Variants in SCIMP observed in about 807,000 individuals in gnomAD.
SCIMP encodes the protein SLP adapter and CSK-interacting membrane protein.
SCIMP carries 18 observed loss-of-function variants against 22.0 expected under a neutral mutation model. The ratio of observed to expected loss-of-function variants is 0.82; its 90% CI spans 0.56 to 1.21. The LOEUF (loss-of-function observed/expected upper bound fraction) is 1.21, where lower values mean the gene tolerates loss of function less well. Among genes scored for constraint, SCIMP ranks in the 50% most tolerant of loss-of-function variants. The pLI is 0.00. For synonymous variants in SCIMP, 53 were observed against 62.2 expected (o/e 0.85, Z 0.70); for missense variants, 155 against 171.2 (o/e 0.91, Z 0.53).
chr17:5,225,563 C>G (rs77258336), intron 1 of SCIMP, among the ~76,000 whole-genome samples: 8,722 of 152,094 alleles, frequency 0.057, 603 homozygotes, highest in East Asian at 0.31. Flanking sequence ...GAGTTCGAAA[C>G]CAGCTTGGCC....
intron 3 of SCIMP, among the ~76,000 whole-genome samples, chr17:5,216,029 A>C (rs903453452): frequency 2.0e-5 from 3 of 151,982 alleles, no homozygotes; most frequent in African/African-American, 7.3e-5. Context: ...AGGGAGACCC[A>C]GTCTCTACAA....
intron 1 of SCIMP, among the ~76,000 whole-genome samples, chr17:5,231,941 A>G (rs1418864186): frequency 6.6e-6 from 1 of 152,192 alleles, no homozygotes; most frequent in Non-Finnish European, 1.5e-5. Context: ...CTGTAGTCCC[A>G]GCTACTCGGG....
At chr17:5,223,501 T>C (rs758327810) in intron 1 of SCIMP, 45 bp from the exon 2 acceptor site, 35 of 1,604,844 alleles carry the variant, frequency 2.2e-5, no homozygotes, top group Middle Eastern at 1.7e-4. Context: ...ATGAAAGATA[T>C]CCTGGGGTTG....
Position 5,221,326 on chromosome 17 carries a change from G to A in SCIMP, c.170C>T (p.Pro57Leu), listed in dbSNP as rs2074606028. 6.2e-7 allele frequency: 1 copy of A among 1,613,560 alleles called. No homozygotes were observed. ...RRGKKWEIAK[P>L]LKHKQVDEEK... Reference sequence around the variant, plus strand: ...TTCATCTACTTGCTTGTGTTTCAGGGGCTTGGCAATTTCCCATTTCTTGCC... The same window carrying A: ...TTCATCTACTTGCTTGTGTTTCAGGAGCTTGGCAATTTCCCATTTCTTGCC... Residue 57 changes from proline to leucine, a missense_variant, in exon 3 of 5, where the codon CCC becomes CTC. Physicochemically the swap from Pro to Leu is moderately conservative, Grantham distance 98 (BLOSUM62 -3). Transcript: ENST00000574081.
chr17:5,210,886 G>A lies in SCIMP; in HGVS notation c.353C>T (p.Thr118Ile), dbSNP rs1555612574. Reference sequence around the variant, plus strand: ...CTCAATGTAGCTTGGGATGGAAACAGTCTTCTTATTTTTAACTTTATTTAC... The same window carrying A: ...CTCAATGTAGCTTGGGATGGAAACAATCTTCTTATTTTTAACTTTATTTAC... Reference protein sequence around the residue: ...SLVNKVKNKKTVSIPSYIEPE... With the variant: ...SLVNKVKNKKIVSIPSYIEPE... The change falls in exon 5 of 5, where the codon ACT becomes ATT. Residue 118 changes from threonine (T) to isoleucine (I), a missense_variant. Thr to Ile is a moderately conservative substitution (Grantham distance 89). Transcript: ENST00000574081. 23 of 1,614,020 alleles carry A rather than the reference G, an allele frequency of 1.4e-5. No homozygotes were observed. Among genetic ancestry groups the A allele is most frequent in the Non-Finnish European group, 1.9e-5 (23 of 1,180,028 alleles).
intron 1 of SCIMP, among the ~76,000 whole-genome samples, chr17:5,232,136 A>C (rs189955052): frequency 6.9e-4 from 105 of 152,094 alleles, no homozygotes; most frequent in African/African-American, 2.4e-3. Flanking sequence ...TGGTATCAAG[A>C]GGAGGAGCTG....
chr17:5,231,991 G>A (rs1441917923), intron 1 of SCIMP, among the ~76,000 whole-genome samples: 3 of 152,144 alleles, frequency 2.0e-5, no homozygotes, highest in Non-Finnish European at 2.9e-5. Context: ...GGGAGGCGGA[G>A]CTTGCAGTGA....
Position 5,226,504 on chromosome 17 carries a change from C to CTTTTTT in SCIMP, c.22-3049_22-3048insAAAAAA, listed in dbSNP as rs1567842763. On this transcript the variant is annotated intron_variant, in intron 1 of 4. Transcript: ENST00000574081. ...GCACTTTTTCTTTTCTTTTTTCTTT[C>CTTTTTT]TTTCTTTTTTTTTTTTTTGAGATGA... 1.7e-5 allele frequency among the ~76,000 whole-genome samples: 2 copies of CTTTTTT among 116,880 alleles called. 1 individual carries two copies. Among genetic ancestry groups the CTTTTTT allele is most frequent in the Non-Finnish European group, 3.9e-5 (2 of 50,984 alleles). 76.7% of individuals were successfully genotyped at this position (116,880 alleles called of 152,430 possible).
At chr17:5,224,295 C>T (rs1437290979) in intron 1 of SCIMP, among the ~76,000 whole-genome samples, 2 of 151,340 alleles carry the variant, frequency 1.3e-5, no homozygotes, top group South Asian at 2.1e-4. Flanking sequence ...CGACCACGCC[C>T]GGCTGATTTT....
At chr17:5,232,043 G>A (rs568514554) in intron 1 of SCIMP, among the ~76,000 whole-genome samples, 25 of 147,448 alleles carry the variant, frequency 1.7e-4, no homozygotes, top group African/African-American at 2.5e-4. Context: ...GCGACAGAGC[G>A]AGACTCCGTC....
chr17:5,223,523 G>T (rs945193568), intron 1 of SCIMP, 67 bp from the exon 2 acceptor site: 3 of 1,515,122 alleles, frequency 2.0e-6, no homozygotes, highest in Non-Finnish European at 2.7e-6. Context: ...GTGGAGTGGG[G>T]CAGTTATCTA....
rs564975837 is a variant in SCIMP at position 5,213,356 on chromosome 17, C to T, written c.283+1569G>A. The T allele has an allele frequency of 1.3e-5, 6 of 445,682 alleles. No homozygotes were observed. The South Asian group carries it at 5.9e-4, about 44-fold the overall frequency. 27.6% of individuals were successfully genotyped at this position (445,682 alleles called of 1,614,324 possible). A position where few individuals can be genotyped will look rare whatever the true frequency, so the allele number is the denominator to read the frequency against. On this transcript the variant is annotated intron_variant, in intron 4 of 4. Transcript: ENST00000574081. ...AGACCTCCCAGGCTCAAGCGATCCC[C>T]CCACCTCAGCCTTCCAAGTAGCTGG...
chr17:5,214,517 C>G, intron 4 of SCIMP: 2 of 150,734 alleles, frequency 1.3e-5, no homozygotes, highest in Non-Finnish European at 2.9e-5. Context: ...GATCGCGCCA[C>G]TGCACTCCAG....
At chr17:5,225,935 T>C (rs1264682300) in intron 1 of SCIMP, among the ~76,000 whole-genome samples, 1 of 152,108 alleles carries the variant, frequency 6.6e-6, no homozygotes, top group Non-Finnish European at 1.5e-5. Context: ...TCTATAGTGC[T>C]GGCATTGAAT....
At chr17:5,219,955 T>G in intron 3 of SCIMP, among the ~76,000 whole-genome samples, 1 of 152,226 alleles carries the variant, frequency 6.6e-6, no homozygotes, top group East Asian at 1.9e-4. Flanking sequence ...CTTTGCCTGC[T>G]TTCTGCTAGA....
chr17:5,226,521 TTGA>T, intron 1 of SCIMP, among the ~76,000 whole-genome samples: 1 of 148,558 alleles, frequency 6.7e-6, no homozygotes, highest in Non-Finnish European at 1.5e-5. Context: ...TTTTTTTTTT[TTGA>T]GATGAAGTCT....
chr17:5,214,757 A>T lies in SCIMP; in HGVS notation c.283+168T>A, dbSNP rs374351009. 2.0e-5 allele frequency: 10 copies of T among 512,400 alleles called. No homozygotes were observed. In the African/African-American group the frequency reaches 2.3e-4, roughly 12 times the overall value. The allele number at this position is 512,400 out of a possible 1,614,324, so 31.7% of individuals were successfully genotyped here. A position where few individuals can be genotyped will look rare whatever the true frequency, so the allele number is the denominator to read the frequency against. ...CCGGAGGCTGAGGTAGGAGAATGGC[A>T]TGAACCCGGGAGGCGGAGCTTGCAG... On this transcript the variant is annotated intron_variant, in intron 4 of 4. Coordinates refer to ENST00000574081, the MANE Select transcript of SCIMP (RefSeq NM_207103.3).
intron 3 of SCIMP, among the ~76,000 whole-genome samples, chr17:5,218,166 C>T (rs2074579653): frequency 6.6e-6 from 1 of 151,920 alleles, no homozygotes; most frequent in South Asian, 2.1e-4. Flanking sequence ...GCTGGGACTA[C>T]AGGCAGACAC....
At chr17:5,212,007 C>T (rs2074529246) in intron 4 of SCIMP, among the ~76,000 whole-genome samples, 1 of 151,686 alleles carries the variant, frequency 6.6e-6, no homozygotes, top group Non-Finnish European at 1.5e-5. Context: ...AAGATTGCAC[C>T]ATTGCACTCT....
Sources: allele counts gnomAD v4.1 joint callset (sites outside exome capture counted in the v4.1 genomes callset), GRCh38; gene constraint gnomAD v4.1.1; transcripts MANE v1.5; gene names NCBI Gene and HGNC (gene_info 2026-07-23, HGNC 2026-07-21).